USP37: variants seen among roughly 807,000 people sequenced by gnomAD.
The protein encoded by USP37 is ubiquitin specific peptidase 37.
A neutral mutation model predicts 124.0 loss-of-function variants in USP37; 27 were observed. That is an observed-to-expected ratio of 0.22 (90% CI 0.16 to 0.30). The LOEUF (loss-of-function observed/expected upper bound fraction) is 0.30. USP37 is among the 10% of genes least tolerant of loss of function. The pLI is 1.00. For missense variants in USP37, 889 were observed against 1,140.4 expected (o/e 0.78, Z 3.17); for synonymous variants, 365 against 388.0 (o/e 0.94, Z 0.70).
At chr2:218,469,615 T>C (rs2106414339) in intron 20 of USP37, among the ~76,000 whole-genome samples, 1 of 152,260 alleles carries the variant, frequency 6.6e-6, no homozygotes, top group Middle Eastern at 3.4e-3. Flanking sequence ...TAGTAACTAA[T>C]CCATGTGTTA....
intron 10 of USP37, among the ~76,000 whole-genome samples, chr2:218,521,820 C>T (rs1482655443): frequency 1.3e-5 from 2 of 152,120 alleles, no homozygotes; most frequent in Non-Finnish European, 2.9e-5. Flanking sequence ...TATTTTGCTC[C>T]AGGGATTAAA....
At chr2:218,482,990 C>A (rs1379333829) in intron 16 of USP37, among the ~76,000 whole-genome samples, 1 of 152,052 alleles carries the variant, frequency 6.6e-6, no homozygotes, top group Non-Finnish European at 1.5e-5. Flanking sequence ...CAGTTCTAGG[C>A]ACACACACAA....
rs753437581 is a variant in USP37, at chr2:218,459,796, A to G, written c.2637T>C (p.Asn879=). ...CAGGAATGAAAACAATTACCTCAGC[A>G]TTTCTTTTCAGTTCCTCAGCTTCAG... is the stretch of plus-strand genomic sequence containing the variant. ...TEAEAEELKR[N]AETGNLPHSY... The change falls in exon 23 of 26, where the codon AAT becomes AAC. Residue 879 remains asparagine (N), a synonymous_variant. Transcript: ENST00000258399. The G allele has an allele frequency of 4.2e-5, 67 of 1,612,812 alleles. No individual in the cohort carries two copies. The highest frequency in any genetic ancestry group is 1.0e-4 in the Admixed American group (6 of 59,832).
chr2:218,532,922 C>T (rs1201635584), intron 9 of USP37, among the ~76,000 whole-genome samples: 1 of 150,196 alleles, frequency 6.7e-6, no homozygotes, highest in African/African-American at 2.4e-5. Flanking sequence ...GAGTGAGACC[C>T]TATCTCAAAA....
chr2:218,563,946 C>T (rs544424857), intron 1 of USP37, among the ~76,000 whole-genome samples: 1 of 152,204 alleles, frequency 6.6e-6, no homozygotes, highest in Non-Finnish European at 1.5e-5. Context: ...TGGCACACAC[C>T]TGTAGTTCCA....
At position 218,479,682 on chromosome 2, in the gene USP37, A is replaced by G; in HGVS notation, c.1869T>C (p.Asn623=). ...SRPLKASQMV[N]SCITSPSTPS... is the part of the protein sequence containing the mutation. ...GTGTAGAAGGGCTGGTGATGCAGGA[A>G]TTCACCATTTGAGAGGCTTTCAATG... The change falls in exon 18 of 26, where the codon AAT becomes AAC. Residue 623 remains asparagine, a synonymous_variant. Coordinates refer to ENST00000258399, the MANE Select transcript of USP37 (RefSeq NM_020935.3). The G allele has an allele frequency of 6.2e-7, 1 of 1,612,564 alleles. No homozygotes were observed. Among genetic ancestry groups the G allele is most frequent in the Non-Finnish European group, 8.5e-7 (1 of 1,179,222 alleles).
chr2:218,523,392 T>A (rs1690778231), intron 10 of USP37, among the ~76,000 whole-genome samples: 1 of 152,242 alleles, frequency 6.6e-6, no homozygotes, highest in Non-Finnish European at 1.5e-5. Context: ...GTGCATTATA[T>A]CAGCACTCAA....
chr2:218,467,897 T>TTTG (rs1359744509), intron 20 of USP37, among the ~76,000 whole-genome samples: 2 of 151,868 alleles, frequency 1.3e-5, no homozygotes, highest in African/African-American at 4.8e-5. Flanking sequence ...TTTTGTTTTT[T>TTTG]TTTTTTTTAA....
chr2:218,521,784 T>C (rs905802256), intron 10 of USP37, among the ~76,000 whole-genome samples: 5 of 152,228 alleles, frequency 3.3e-5, no homozygotes, highest in Admixed American at 6.5e-5. Flanking sequence ...AGTCCCCATA[T>C]ATGCACAAGA....
chr2:218,480,128 GGAGT>G (rs1691178106), intron 17 of USP37, among the ~76,000 whole-genome samples: 1 of 150,636 alleles, frequency 6.6e-6, no homozygotes, highest in African/African-American at 2.4e-5. Flanking sequence ...CTTGGGCAAC[GGAGT>G]GAGACTCCAT....
chr2:218,472,716 T>C (rs911528190), intron 20 of USP37, among the ~76,000 whole-genome samples: 1 of 152,152 alleles, frequency 6.6e-6, no homozygotes, highest in Non-Finnish European at 1.5e-5. Context: ...TTCACCCACC[T>C]CAGCCTCCCA....
At chr2:218,483,654 T>G (rs1006450031) in intron 16 of USP37, among the ~76,000 whole-genome samples, 31 of 151,934 alleles carry the variant, frequency 2.0e-4, no homozygotes, top group African/African-American at 6.5e-4. Flanking sequence ...CTTAGCATTT[T>G]TTTCCCCCCA....
intron 7 of USP37, 124 bp downstream of exon 7, chr2:218,546,795 G>C: frequency 9.4e-7 from 1 of 1,065,620 alleles, no homozygotes; most frequent in Non-Finnish European, 1.3e-6. Context: ...ACAAATACTT[G>C]TAATCATTAC....
rs1690305308 is a variant in USP37, at chr2:218,466,170, G to A, written c.2306C>T (p.Ala769Val). ...GTCTTTAGTTATCTCAGTAAAACTG[G>A]CAGGATCTGAGGAAGCAGAACATAA... is the stretch of plus-strand genomic sequence containing the variant. ...KPKTITELDPASFTEITKDCD... is the reference protein window; with the variant it reads ...KPKTITELDPVSFTEITKDCD... The change falls in exon 21 of 26, where the codon GCC (alanine) becomes GTC (valine). Residue 769 changes from alanine (A) to valine (V), a missense_variant. Ala to Val is a moderately conservative substitution (Grantham distance 64). Around this residue, in one of 3 missense-constraint regions of USP37, gnomAD observed 504 missense variants for 714.3 expected, o/e 0.71. Transcript: ENST00000258399. The A allele has an allele frequency of 6.2e-7, 1 of 1,601,262 alleles. No individual in the cohort carries two copies. The highest frequency in any genetic ancestry group is 8.5e-7 in the Non-Finnish European group (1 of 1,176,356).
intron 13 of USP37, among the ~76,000 whole-genome samples, chr2:218,496,161 G>A (rs892463147): frequency 1.3e-5 from 2 of 151,888 alleles, no homozygotes; most frequent in Non-Finnish European, 2.9e-5. Flanking sequence ...AGGTGTGGTG[G>A]CAGTCCCTGT....
chr2:218,565,040 G>A (rs1026514193), intron 1 of USP37, among the ~76,000 whole-genome samples: 18 of 152,068 alleles, frequency 1.2e-4, no homozygotes, highest in Non-Finnish European at 2.5e-4. Context: ...TCCCACCTCA[G>A]CCTCCCAAGT....
intron 8 of USP37, among the ~76,000 whole-genome samples, chr2:218,545,498 A>G (rs1222264314): frequency 6.6e-6 from 1 of 152,218 alleles, no homozygotes; most frequent in Non-Finnish European, 1.5e-5. Flanking sequence ...CCACCTATTC[A>G]GACTTTTACA....
At chr2:218,491,810 G>GAT (rs1688795325) in intron 14 of USP37, among the ~76,000 whole-genome samples, 1 of 152,182 alleles carries the variant, frequency 6.6e-6, no homozygotes, top group Non-Finnish European at 1.5e-5. Context: ...GGAAATGAAA[G>GAT]ATCAGAGCAG....
chr2:218,539,019 A>T (rs1486075273), intron 8 of USP37, among the ~76,000 whole-genome samples: 1 of 152,068 alleles, frequency 6.6e-6, no homozygotes, highest in African/African-American at 2.4e-5. Flanking sequence ...CCAGGCTGGA[A>T]TGCAGTGGTG....
Sources: gnomAD v4.1 joint callset for allele counts (sites outside exome capture counted in the v4.1 genomes callset) on GRCh38, gnomAD v4.1.1 for gene constraint, gnomAD v4.1.1 regional missense constraint, MANE v1.5 for transcripts, NCBI Gene and HGNC (gene_info 2026-07-23, HGNC 2026-07-21) for gene names.